Variants in S100A11 observed in about 807,000 individuals in gnomAD.
S100A11 encodes the protein protein S100-A11.
Under a neutral mutation model 7.4 loss-of-function variants are expected in S100A11, and 5 were observed. The observed-to-expected ratio is 0.68, with a 90% confidence interval of 0.35 to 1.42. S100A11 has a LOEUF of 1.42. S100A11 is among the 40% of genes most tolerant of loss of function. The pLI, the probability that S100A11 is intolerant of heterozygous loss-of-function variation, is 0.04. For synonymous variants in S100A11, 47 were observed against 46.6 expected (o/e 1.01, Z -0.04); for missense variants, 96 against 125.0 (o/e 0.77, Z 1.11).
chr1:152,036,195 G>T (rs4634912), intron 1 of S100A11, among the ~76,000 whole-genome samples: 1,788 of 152,312 alleles, frequency 0.012, 46 homozygotes, highest in African/African-American at 0.041. Context: ...GGTAAAGAAA[G>T]AGATTTTGGA....
intron 1 of S100A11, among the ~76,000 whole-genome samples, chr1:152,035,322 G>GC (rs1656810896): frequency 6.6e-6 from 1 of 152,214 alleles, no homozygotes; most frequent in African/African-American, 2.4e-5. Flanking sequence ...AGGCTGAGGA[G>GC]CATGGGCTTT....
At position 152,033,930 on chromosome 1, in the gene S100A11, C is replaced by A; in HGVS notation, c.4-130G>T. ...AAGACTGAGTCATTTTTTCAAGGGG[C>A]TGAGGGGTTCAAGACAACCACAAAA... On this transcript the variant is annotated intron_variant, in intron 1 of 2. Coordinates refer to ENST00000271638, the MANE Select transcript of S100A11 (RefSeq NM_005620.2). This position sits in a 1 kb window ranked among gnomAD's most constrained non-coding sequence, Gnocchi z 4.0. 1 of 764,536 alleles carries A rather than the reference C, an allele frequency of 1.3e-6. No homozygotes were observed. The highest frequency in any genetic ancestry group is 2.2e-6 in the Non-Finnish European group (1 of 461,904). 47.4% of individuals were successfully genotyped at this position (764,536 alleles called of 1,614,324 possible).
chr1:152,035,040 C>A (rs1476985357), intron 1 of S100A11, among the ~76,000 whole-genome samples: 1 of 152,186 alleles, frequency 6.6e-6, no homozygotes, highest in Admixed American at 6.5e-5. Context: ...TTGCATCTTA[C>A]AGCGTTAGAA....
chr1:152,033,810 A>G lies in S100A11; in HGVS notation c.4-10T>C. The G allele has an allele frequency of 6.2e-7, 1 of 1,613,734 alleles. No homozygotes were observed. Among genetic ancestry groups the G allele is most frequent in the South Asian group, 1.1e-5 (1 of 91,062 alleles). On this transcript the variant is annotated splice_polypyrimidine_tract_variant and intron_variant, in intron 1 of 2. Transcript: ENST00000271638. The surrounding 1 kb of genome is among the most constrained non-coding windows in gnomAD (Gnocchi z 4.0). The stretch of plus-strand genomic sequence containing the variant: ...GGCTGGAGATTTTTGCCTTTGGAGA[A>G]AAAAAATTGCAGGGCTCAGACAAGG...
At chr1:152,035,289 G>A (rs1557787268) in intron 1 of S100A11, among the ~76,000 whole-genome samples, 1 of 152,194 alleles carries the variant, frequency 6.6e-6, no homozygotes, top group Non-Finnish European at 1.5e-5. Flanking sequence ...TGACAGGAAG[G>A]AGACTGGCTG....
At chr1:152,034,117 G>A (rs1349356168) in intron 1 of S100A11, among the ~76,000 whole-genome samples, 1 of 152,188 alleles carries the variant, frequency 6.6e-6, no homozygotes, top group Non-Finnish European at 1.5e-5. Flanking sequence ...AAAATGTGTG[G>A]ATAAATACAT....
Position 152,036,956 on chromosome 1 carries a change from GGC to G in S100A11, c.-43_-42del. On this transcript the variant is annotated 5_prime_UTR_variant, in exon 1 of 3. Transcript: ENST00000271638. ...GGCGCGGGAGGCTGTGGCTGGGAGC[GGC>G]GCTGAGAGCTCTGTGCGCGCGGCGT... 1 of 1,612,810 alleles carries G rather than the reference GGC, an allele frequency of 6.2e-7. No homozygotes were observed. The highest frequency in any genetic ancestry group is 8.5e-7 in the Non-Finnish European group (1 of 1,179,600).
rs1395370296 is a variant in S100A11 at position 152,036,961 on chromosome 1, T to C, written c.-46A>G. 3 of 1,612,554 alleles carry C rather than the reference T, an allele frequency of 1.9e-6. No homozygotes were observed. Among genetic ancestry groups the C allele is most frequent in the Admixed American group, 3.3e-5 (2 of 59,950 alleles). ...GGGAGGCTGTGGCTGGGAGCGGCGCTGAGAGCTCTGTGCGCGCGGCGTGCG... is the reference window on the plus strand; with the variant it reads ...GGGAGGCTGTGGCTGGGAGCGGCGCCGAGAGCTCTGTGCGCGCGGCGTGCG... On this transcript the variant is annotated 5_prime_UTR_variant, in exon 1 of 3. Transcript: ENST00000271638.
chr1:152,032,871 G>A, intron 2 of S100A11, 48 bp from the exon 3 acceptor site: 2 of 1,389,018 alleles, frequency 1.4e-6, no homozygotes, highest in South Asian at 2.4e-5. Flanking sequence ...CTTCTAATGT[G>A]CTTTCAAATA....
At chr1:152,036,679 G>A (rs1032064061) in intron 1 of S100A11, among the ~76,000 whole-genome samples, 2 of 151,774 alleles carry the variant, frequency 1.3e-5, no homozygotes, top group African/African-American at 4.8e-5. Context: ...TGTCGTGACT[G>A]GGAAGGCTAA....
In S100A11 at chr1:152,033,784, G is replaced by A. The variant is rs759810698; in HGVS notation, c.20C>T (p.Pro7Leu). MAKISS[P>L]TETERCIESL... ...CTCGATGCACCGCTCAGTCTCTGTA[G>A]GGCTGGAGATTTTTGCCTTTGGAGA... is the stretch of plus-strand genomic sequence containing the variant. Residue 7 changes from proline to leucine, a missense_variant, in exon 2 of 3, where the codon CCT (proline) becomes CTT (leucine). Transcript: ENST00000271638. The surrounding 1 kb of genome is among the most constrained non-coding windows in gnomAD (Gnocchi z 4.0). The A allele has an allele frequency of 6.2e-7, 1 of 1,614,054 alleles. No homozygotes were observed. The highest frequency in any genetic ancestry group is 8.5e-7 in the Non-Finnish European group (1 of 1,179,950).
chr1:152,032,736 T>A lies in S100A11; in HGVS notation c.244A>T (p.Asn82Tyr), dbSNP rs756263524. 3.1e-6 allele frequency: 5 copies of A among 1,614,006 alleles called. No homozygotes were observed. The highest frequency in any genetic ancestry group is 4.2e-6 in the Non-Finnish European group (5 of 1,179,870). The change falls in exon 3 of 3, where the codon AAT becomes TAT. Residue 82 changes from asparagine (N) to tyrosine (Y), a missense_variant. By Grantham distance (143) the Asn-to-Tyr change is moderately radical (BLOSUM62 -2). Transcript: ENST00000271638. ...DGQLDFSEFL[N>Y]LIGGLAMACH... ...GCCATAGCTAGGCCACCAATCAGAT[T>A]AAGAAATTCTGAGAAATCTAGCTGA...
chr1:152,032,566 T>G lies in S100A11; in HGVS notation c.*96A>C, dbSNP rs1572128738. On this transcript the variant is annotated 3_prime_UTR_variant, in exon 3 of 3. Transcript: ENST00000271638. ...ATTGGCAGGTGGGGCCTGCATGAGG[T>G]GGTTAGTGTGCTCAGGGGATGGGTG... is the stretch of plus-strand genomic sequence containing the variant. The G allele has an allele frequency of 2.3e-5, 24 of 1,044,552 alleles. No individual in the cohort carries two copies. The highest frequency in any genetic ancestry group is 7.3e-5 in the East Asian group (3 of 41,046). 64.7% of individuals were successfully genotyped at this position (1,044,552 alleles called of 1,614,324 possible).
At chr1:152,036,847 ATG>A (rs1264899094) in intron 1 of S100A11, 64 bp downstream of exon 1, 20 of 1,373,312 alleles carry the variant, frequency 1.5e-5, no homozygotes, top group Non-Finnish European at 2.0e-5. Context: ...GCTGGGAAGT[ATG>A]TGGGTTTTTT....
At position 152,032,839 on chromosome 1, in the gene S100A11, T is replaced by TA; in HGVS notation, c.157-17dup. On this transcript the variant is annotated splice_polypyrimidine_tract_variant and intron_variant, in intron 2 of 2. Transcript: ENST00000271638. Reference sequence around the variant, plus strand: ...CCTTCTGGTTCTGCAGAGAAAATAATAATTACACCTTTATATCGCATCTTC... The same window carrying TA: ...CCTTCTGGTTCTGCAGAGAAAATAATAAATTACACCTTTATATCGCATCTTC... 2 of 1,582,652 alleles carry TA rather than the reference T, an allele frequency of 1.3e-6. No individual in the cohort carries two copies. The highest frequency in any genetic ancestry group is 1.7e-6 in the Non-Finnish European group (2 of 1,158,690).
chr1:152,035,062 T>TA (rs1656806833), intron 1 of S100A11, among the ~76,000 whole-genome samples: 1 of 152,180 alleles, frequency 6.6e-6, no homozygotes, highest in Admixed American at 6.5e-5. Flanking sequence ...CCCTGAACCC[T>TA]AAGAGAGGTG....
Position 152,033,517 on chromosome 1 carries a change from G to T in S100A11, c.156+131C>A. ...CTCTTCCTAAATGGAAAAACTCCTG[G>T]CTTAGAGTGAGTTAAAATGAAGCAA... is the stretch of plus-strand genomic sequence containing the variant. On this transcript the variant is annotated intron_variant, in intron 2 of 2. Coordinates refer to ENST00000271638, the MANE Select transcript of S100A11 (RefSeq NM_005620.2). This position sits in a 1 kb window ranked among gnomAD's most constrained non-coding sequence, Gnocchi z 4.0. The T allele has an allele frequency of 1.2e-6, 1 of 800,584 alleles. No individual in the cohort carries two copies. Among genetic ancestry groups the T allele is most frequent in the Non-Finnish European group, 2.1e-6 (1 of 478,894 alleles). 49.6% of individuals were successfully genotyped at this position (800,584 alleles called of 1,614,324 possible).
In S100A11 at chr1:152,032,774, G is replaced by T. The variant is rs1447849101; in HGVS notation, c.206C>A (p.Thr69Asn). 1.2e-6 allele frequency: 2 copies of T among 1,613,820 alleles called. No homozygotes were observed. The highest frequency in any genetic ancestry group is 3.3e-5 in the Admixed American group (2 of 60,008). ...VLDRMMKKLD[T>N]NSDGQLDFSE... ...GAAATCTAGCTGACCATCACTGTTG[G>T]TGTCCAGTTTCTTCATCATGCGGTC... Residue 69 changes from threonine to asparagine, a missense_variant, in exon 3 of 3, where the codon ACC becomes AAC. Coordinates refer to ENST00000271638, the MANE Select transcript of S100A11 (RefSeq NM_005620.2).
Position 152,036,987 on chromosome 1 carries a change from G to A in S100A11, c.-72C>T. On this transcript the variant is annotated 5_prime_UTR_variant, in exon 1 of 3. Transcript: ENST00000271638. ...GAGAGCTCTGTGCGCGCGGCGTGCG[G>A]GTCTGGAGCCTCTCCTCAACCCACG... is the stretch of plus-strand genomic sequence containing the variant. The A allele has an allele frequency of 1.2e-6, 2 of 1,608,220 alleles. No homozygotes were observed. Among genetic ancestry groups the A allele is most frequent in the Admixed American group, 1.7e-5 (1 of 59,520 alleles).
Sources: allele counts gnomAD v4.1 joint callset (sites outside exome capture counted in the v4.1 genomes callset), GRCh38; gene constraint gnomAD v4.1.1; non-coding constraint Gnocchi (gnomAD v3.1); transcripts MANE v1.5; gene names NCBI Gene and HGNC (gene_info 2026-07-23, HGNC 2026-07-21).